The following EVI5 variants were observed in gnomAD, a reference collection of about 807,000 sequenced individuals.
The protein encoded by EVI5 is ecotropic viral integration site 5, also known as ecotropic viral integration site 5 protein homolog.
A neutral mutation model predicts 112.0 loss-of-function variants in EVI5; 73 were observed. The observed-to-expected ratio is 0.65, with a 90% CI of 0.54 to 0.79. The LOEUF is 0.79. Among genes scored for constraint, EVI5 ranks in the 30% least tolerant of loss-of-function variants. The probability of loss-of-function intolerance (pLI) is 0.00; values close to 1 mark genes in which losing one functional copy is unlikely to be tolerated. For missense variants in EVI5, 900 were observed against 968.8 expected (o/e 0.93, Z 0.94); for synonymous variants, 305 against 319.9 (o/e 0.95, Z 0.50).
chr1:92,550,964 A>T (rs184690329), intron 19 of EVI5, among the ~76,000 whole-genome samples: 247 of 146,582 alleles, frequency 1.7e-3, no homozygotes, highest in African/African-American at 5.7e-3. Flanking sequence ...TAAAATAAAA[A>T]AAACCCAAAA....
At chr1:92,645,173 G>A (rs1489701173) in intron 13 of EVI5, among the ~76,000 whole-genome samples, 2 of 152,052 alleles carry the variant, frequency 1.3e-5, no homozygotes, top group East Asian at 3.9e-4. Flanking sequence ...TATATTAGGT[G>A]ACATACATTC....
chr1:92,649,298 C>T lies in EVI5; in HGVS notation c.1393-12962G>A, dbSNP rs117144079. On this transcript the variant is annotated intron_variant, in intron 13 of 19. Coordinates refer to ENST00000684568, the MANE Select transcript of EVI5 (RefSeq NM_001350197.2). ...TCCTGATCAGCTACAAAACTTGCAA[C>T]TATTTTCTACCATTCTACAGGTTGC... 7.6e-4 allele frequency among the ~76,000 whole-genome samples: 115 copies of T among 152,294 alleles called. 2 individuals are homozygous for T. The East Asian group carries it at 0.02, about 27-fold the overall frequency.
chr1:92,561,610 TA>T (rs1668600463), intron 19 of EVI5, among the ~76,000 whole-genome samples: 2 of 33,886 alleles, frequency 5.9e-5, no homozygotes, highest in African/African-American at 2.6e-4. Context: ...TAATCTATCC[TA>T]TCTATCTATC....
At chr1:92,686,693 A>T (rs1018888977) in intron 9 of EVI5, among the ~76,000 whole-genome samples, 2 of 152,266 alleles carry the variant, frequency 1.3e-5, no homozygotes, top group African/African-American at 4.8e-5. Flanking sequence ...CAACTTCAGC[A>T]AAGTCTCAGG....
intron 10 of EVI5, among the ~76,000 whole-genome samples, chr1:92,675,517 G>A (rs980985187): frequency 1.3e-5 from 2 of 151,900 alleles, no homozygotes; most frequent in African/African-American, 4.8e-5. Context: ...GTGGTGAAAT[G>A]AACAGGATGG....
chr1:92,592,039 T>C (rs576588929), intron 18 of EVI5, among the ~76,000 whole-genome samples: 32 of 152,208 alleles, frequency 2.1e-4, no homozygotes, highest in East Asian at 1.4e-3. Flanking sequence ...GTCAGGAGAT[T>C]GAGACCATCC....
At chr1:92,524,842 T>G (rs1451310458) in intron 19 of EVI5, among the ~76,000 whole-genome samples, 1 of 151,912 alleles carries the variant, frequency 6.6e-6, no homozygotes, top group African/African-American at 2.4e-5. Context: ...TTTTTTTTTT[T>G]TTTTAGACAA....
chr1:92,735,367 A>G (rs4847301), intron 2 of EVI5, among the ~76,000 whole-genome samples: 87,307 of 151,782 alleles, frequency 0.58, 26,895 homozygotes, highest in East Asian at 0.92. Context: ...CTGCCTGGGG[A>G]CAGCGACGGG....
intron 10 of EVI5, among the ~76,000 whole-genome samples, chr1:92,667,668 T>C (rs1280768269): frequency 6.6e-6 from 1 of 152,246 alleles, no homozygotes; most frequent in African/African-American, 2.4e-5. Context: ...CAGGCTGGAA[T>C]GCAGTGGTGC....
At chr1:92,607,145 T>C (rs1270240396) in intron 17 of EVI5, among the ~76,000 whole-genome samples, 1 of 152,216 alleles carries the variant, frequency 6.6e-6, no homozygotes, top group African/African-American at 2.4e-5. Context: ...CATACACATT[T>C]CTTTTGCTCT....
intron 1 of EVI5, among the ~76,000 whole-genome samples, chr1:92,771,937 C>T (rs1683469157): frequency 6.6e-6 from 1 of 151,986 alleles, no homozygotes; most frequent in African/African-American, 2.4e-5. Flanking sequence ...TCACTGCAAC[C>T]TCCGCCTCCT....
intron 1 of EVI5, among the ~76,000 whole-genome samples, chr1:92,768,322 C>T (rs572573522): frequency 8.5e-5 from 13 of 152,088 alleles, no homozygotes; most frequent in East Asian, 1.9e-4. Flanking sequence ...TTTCAGAAGA[C>T]GCCAAAAAAG....
chr1:92,640,286 C>CA (rs1392904722), intron 13 of EVI5, among the ~76,000 whole-genome samples: 2 of 152,150 alleles, frequency 1.3e-5, no homozygotes, highest in African/African-American at 4.8e-5. Flanking sequence ...AGAGCTTCTG[C>CA]ACAGCAAAAG....
At chr1:92,781,455 G>GTGT (rs1200057581) in intron 1 of EVI5, among the ~76,000 whole-genome samples, 1 of 151,494 alleles carries the variant, frequency 6.6e-6, no homozygotes, top group Non-Finnish European at 1.5e-5. Flanking sequence ...GGAGGTTGCA[G>GTGT]TGTTCTGAGA....
chr1:92,569,651 C>T (rs1670003978), intron 18 of EVI5, among the ~76,000 whole-genome samples: 1 of 151,746 alleles, frequency 6.6e-6, no homozygotes, highest in South Asian at 2.1e-4. Flanking sequence ...GTCAAGAGAT[C>T]GAGACCATCC....
intron 15 of EVI5, 60 bp downstream of exon 15, chr1:92,625,734 C>G: frequency 6.7e-7 from 1 of 1,499,452 alleles, no homozygotes; most frequent in Non-Finnish European, 9.2e-7. Flanking sequence ...CAAACTCTTA[C>G]AAATTGGATA....
intron 18 of EVI5, among the ~76,000 whole-genome samples, chr1:92,569,424 A>T (rs1669970964): frequency 6.6e-6 from 1 of 152,220 alleles, no homozygotes; most frequent in Admixed American, 6.5e-5. Context: ...TACAATATAT[A>T]AAGAATTGAA....
upstream of EVI5, chr1:92,785,241 G>C (rs1184295747): frequency 3.2e-6 from 1 of 311,082 alleles, no homozygotes; most frequent in East Asian, 1.7e-4. Context: ...TGCAGAGGAG[G>C]CGGGGAAATC....
intron 2 of EVI5, among the ~76,000 whole-genome samples, chr1:92,713,620 T>C (rs1309243729): frequency 6.6e-6 from 1 of 151,466 alleles, no homozygotes; most frequent in African/African-American, 2.4e-5. Context: ...TACCAAAAAC[T>C]ACAAAAATTA....
Sources: allele counts gnomAD v4.1 joint callset (sites outside exome capture counted in the v4.1 genomes callset), GRCh38; gene constraint gnomAD v4.1.1; transcripts MANE v1.5; gene names NCBI Gene and HGNC (gene_info 2026-07-23, HGNC 2026-07-21).